SP140: variants seen among roughly 807,000 people sequenced by gnomAD.
The protein encoded by SP140 is SP140 nuclear body protein.
In SP140, 81 loss-of-function variants were observed where a neutral mutation model predicts 125.0. The observed-to-expected ratio is 0.65, with a 90% CI of 0.54 to 0.78. The LOEUF (loss-of-function observed/expected upper bound fraction) is 0.78, where lower values mean the gene tolerates loss of function less well. Among genes scored for constraint, SP140 ranks in the 30% least tolerant of loss-of-function variants. The pLI is 0.00. For missense variants in SP140, 858 were observed against 1,037.0 expected (o/e 0.83, Z 2.37); for synonymous variants, 312 against 354.0 (o/e 0.88, Z 1.33).
Position 230,225,737 on chromosome 2 carries a change from T to G in SP140, c.-108T>G. 1.1e-6 allele frequency: 1 copy of G among 936,084 alleles called. No individual in the cohort carries two copies. Among genetic ancestry groups the G allele is most frequent in the Non-Finnish European group, 1.8e-6 (1 of 566,878 alleles). 58.0% of individuals were successfully genotyped at this position (936,084 alleles called of 1,614,324 possible). A position where few individuals can be genotyped will look rare whatever the true frequency, so the allele number is the denominator to read the frequency against. On this transcript the variant is annotated 5_prime_UTR_variant, in exon 1 of 27. Transcript: ENST00000392045. ...AGCTAGTTAGGCAATTTCACTTTTC[T>G]TTTCCTCTTTGACTGAGCACCGAGG...
rs886589215 is a variant in SP140, at chr2:230,307,734, T to C, written c.2059-2190T>C. On this transcript the variant is annotated intron_variant, in intron 22 of 26. Coordinates refer to ENST00000392045, the MANE Select transcript of SP140 (RefSeq NM_007237.5). ...GCCTGACCTGCCCCATGGCAGGCCC[T>C]TGGTAGGTATGCGATCCAGGCCAGT... Among the ~76,000 whole-genome samples, 4 of 152,110 alleles carry C rather than the reference T, an allele frequency of 2.6e-5. No homozygotes were observed. In the East Asian group the frequency reaches 7.7e-4, roughly 29 times the overall value.
chr2:230,187,199 C>G, the SP140 span, among the ~76,000 whole-genome samples: 1 of 152,078 alleles, frequency 6.6e-6, no homozygotes, highest in South Asian at 2.1e-4. Flanking sequence ...GCCATTCTTG[C>G]AGGAGTAAGG....
chr2:230,316,222 G>A (rs1474820825), downstream of SP140, among the ~76,000 whole-genome samples: 1 of 152,176 alleles, frequency 6.6e-6, no homozygotes, highest in African/African-American at 2.4e-5. Flanking sequence ...GCAGGTGGTG[G>A]GAGAGAAACG....
chr2:230,251,176 A>G (rs1371892392), intron 10 of SP140, 115 bp downstream of exon 10: 16 of 824,920 alleles, frequency 1.9e-5, no homozygotes, highest in Middle Eastern at 3.7e-4. Context: ...AAAGAATGCA[A>G]TTAAATCTGA....
chr2:230,211,236 C>A lies in SP140; in HGVS notation c.-322-2418C>A, dbSNP rs1365555819. ...TGTCCATCATCATCCGTGGCCCTAT[C>A]CAAGTCTACCTTTTCCAGACTTGCC... On this transcript the variant is annotated intron_variant, in intron 1 of 4. Transcript: ENST00000456542. This position sits in a 1 kb window ranked among gnomAD's most constrained non-coding sequence, Gnocchi z 4.2. Among the ~76,000 whole-genome samples the A allele has an allele frequency of 4.6e-5, 7 of 152,156 alleles. No individual in the cohort carries two copies. The highest frequency in any genetic ancestry group is 1.0e-4 in the Non-Finnish European group (7 of 68,028).
At chr2:230,235,688 C>A (rs1256137498) in intron 1 of SP140, among the ~76,000 whole-genome samples, 1 of 152,022 alleles carries the variant, frequency 6.6e-6, no homozygotes, top group Non-Finnish European at 1.5e-5. Context: ...GCAAGGGGAA[C>A]AATTTAGCAA....
chr2:230,297,630 T>TA (rs1396259071), intron 22 of SP140, among the ~76,000 whole-genome samples, 168 bp downstream of exon 22: 2 of 152,214 alleles, frequency 1.3e-5, no homozygotes, highest in Non-Finnish European at 2.9e-5. Context: ...GCCTGGGCCT[T>TA]GGATGTCTCA....
At chr2:230,299,721 A>T (rs2058109736) in intron 22 of SP140, among the ~76,000 whole-genome samples, 2 of 152,114 alleles carry the variant, frequency 1.3e-5, no homozygotes, top group Non-Finnish European at 2.9e-5. Flanking sequence ...GCAAGATCTT[A>T]GCTCCAGGCA....
Position 230,237,469 on chromosome 2 carries a change from G to A in SP140, c.237+209G>A. 1.9e-6 allele frequency: 1 copy of A among 517,194 alleles called. No homozygotes were observed. Among genetic ancestry groups the A allele is most frequent in the Non-Finnish European group, 3.4e-6 (1 of 293,720 alleles). The allele number at this position is 517,194 out of a possible 1,614,324, so 32.0% of individuals were successfully genotyped here. ...GGAGGGCCACAGTGAGGGAGGTGGG[G>A]CAGGAGAGAGAATGGGAATGCTGTA... On this transcript the variant is annotated intron_variant, in intron 2 of 26. Transcript: ENST00000392045. The surrounding 1 kb of genome is among the most constrained non-coding windows in gnomAD (Gnocchi z 5.4).
chr2:230,307,990 T>TATATACACAC (rs869070046), intron 22 of SP140, among the ~76,000 whole-genome samples: 1 of 52,638 alleles, frequency 1.9e-5, no homozygotes. Context: ...TATATATATA[T>TATATACACAC]ACACACACAC....
intron 15 of SP140, among the ~76,000 whole-genome samples, chr2:230,282,538 T>A (rs2055735825): frequency 6.6e-6 from 1 of 152,158 alleles, no homozygotes; most frequent in South Asian, 2.1e-4. Flanking sequence ...GGCTCACTCA[T>A]GTTATCCCAG....
chr2:230,225,185 A>G (rs963692133), upstream of SP140, among the ~76,000 whole-genome samples: 1 of 152,170 alleles, frequency 6.6e-6, no homozygotes, highest in African/African-American at 2.4e-5. Context: ...GCTGTTGTAA[A>G]GTGCCCACAT....
upstream of SP140, among the ~76,000 whole-genome samples, chr2:230,221,312 CTT>C (rs995843381): frequency 4.7e-5 from 7 of 150,226 alleles, no homozygotes; most frequent in African/African-American, 1.7e-4. Context: ...TTCTATGTAA[CTT>C]TGATTAAATC....
the SP140 span, among the ~76,000 whole-genome samples, chr2:230,193,407 C>T: frequency 6.6e-6 from 1 of 152,138 alleles, no homozygotes; most frequent in Non-Finnish European, 1.5e-5. Context: ...TAATTGTTAC[C>T]TACATACGTT....
chr2:230,294,155 G>C (rs903099394), intron 20 of SP140, 116 bp from the exon 21 acceptor site: 7 of 775,708 alleles, frequency 9.0e-6, no homozygotes, highest in Non-Finnish European at 1.6e-5. Context: ...AGACACCTTG[G>C]ATTTGAGCTG....
At chr2:230,222,158 A>G (rs2045877499), upstream of SP140, among the ~76,000 whole-genome samples, 1 of 150,910 alleles carries the variant, frequency 6.6e-6, no homozygotes, top group Non-Finnish European at 1.5e-5. Context: ...TGAACTCAGG[A>G]GCTGGAGGTT....
intron 19 of SP140, among the ~76,000 whole-genome samples, chr2:230,290,924 G>A (rs1263754985): frequency 6.6e-6 from 1 of 152,174 alleles, no homozygotes; most frequent in African/African-American, 2.4e-5. Context: ...AGGGCAGGGT[G>A]CTTGGTATAG....
At chr2:230,248,249 G>C (rs1431535868) in intron 8 of SP140, among the ~76,000 whole-genome samples, 184 bp downstream of exon 8, 2 of 152,172 alleles carry the variant, frequency 1.3e-5, no homozygotes, top group African/African-American at 4.8e-5. Flanking sequence ...CTATCTTACA[G>C]ACTGAGAAAT....
chr2:230,222,865 A>G (rs1249665801), upstream of SP140, among the ~76,000 whole-genome samples: 4 of 142,216 alleles, frequency 2.8e-5, no homozygotes, highest in Admixed American at 7.0e-5. Context: ...TTTTTTATCA[A>G]TGAAGGCACA....
Sources: allele counts gnomAD v4.1 joint callset (sites outside exome capture counted in the v4.1 genomes callset), GRCh38; gene constraint gnomAD v4.1.1; non-coding constraint Gnocchi (gnomAD v3.1); transcripts MANE v1.5; gene names NCBI Gene and HGNC (gene_info 2026-07-23, HGNC 2026-07-21).